The following ADARB1 variants were observed in gnomAD, a reference collection of about 807,000 sequenced individuals.
The protein encoded by ADARB1 is adenosine deaminase RNA specific B1.
A neutral mutation model predicts 52.4 loss-of-function variants in ADARB1; 10 were observed. The ratio of observed to expected loss-of-function variants is 0.19; its 90% CI spans 0.12 to 0.32. ADARB1 has a LOEUF of 0.32. ADARB1 is among the 10% of genes least tolerant of loss of function. The pLI is 1.00. For synonymous variants in ADARB1, 349 were observed against 371.1 expected (o/e 0.94, Z 0.68); for missense variants, 643 against 922.3 (o/e 0.70, Z 3.92).
chr21:45,220,963 C>G lies in ADARB1; in HGVS notation c.1875C>G (p.Ser625=). ...TTGKDELGRA[S]RLCKHALYCR... ...GGAAGGATGAGCTGGGCCGCGCGTC[C>G]CGCCTGTGTAAGCACGCGTTGTACT... Residue 625 remains serine, a synonymous_variant, in exon 10 of 11, where the codon TCC becomes TCG. Coordinates refer to ENST00000348831, the MANE Select transcript of ADARB1 (RefSeq NM_001112.4). This position sits in a 1 kb window ranked among gnomAD's most constrained non-coding sequence, Gnocchi z 6.3. 1.9e-6 allele frequency: 3 copies of G among 1,613,320 alleles called. No individual in the cohort carries two copies. The highest frequency in any genetic ancestry group is 2.5e-6 in the Non-Finnish European group (3 of 1,180,036).
At position 45,224,250 on chromosome 21, in the gene ADARB1, C is replaced by T. The variant is rs2093017124; in HGVS notation, c.*2053C>T. 3 of 985,388 alleles carry T rather than the reference C, an allele frequency of 3.0e-6. No homozygotes were observed. Among genetic ancestry groups the T allele is most frequent in the Admixed American group, 6.1e-5 (1 of 16,278 alleles). The allele number at this position is 985,388 out of a possible 1,614,324, so 61.0% of individuals were successfully genotyped here. A position where few individuals can be genotyped will look rare whatever the true frequency, so the allele number is the denominator to read the frequency against. ...TATATTCCATATACATACAAAACTACCCGGTATGTCTGGCTTTTCCCTTCT... is the reference window on the plus strand; with the variant it reads ...TATATTCCATATACATACAAAACTATCCGGTATGTCTGGCTTTTCCCTTCT... On this transcript the variant is annotated 3_prime_UTR_variant, in exon 11 of 11. Coordinates refer to ENST00000348831, the MANE Select transcript of ADARB1 (RefSeq NM_001112.4).
intron 1 of ADARB1, among the ~76,000 whole-genome samples, chr21:45,120,423 A>G (rs941881689): frequency 1.3e-5 from 2 of 152,202 alleles, no homozygotes; most frequent in African/African-American, 2.4e-5. Flanking sequence ...CCATTCGTGA[A>G]CTGTCGATTG....
intron 5 of ADARB1, among the ~76,000 whole-genome samples, chr21:45,181,126 C>T (rs559369493): frequency 6.6e-6 from 1 of 152,226 alleles, no homozygotes; most frequent in African/African-American, 2.4e-5. Flanking sequence ...CTGCTCAGCC[C>T]AGCCTGGACA....
At chr21:45,206,459 T>C (rs1256627733) in intron 9 of ADARB1, among the ~76,000 whole-genome samples, 3 of 152,114 alleles carry the variant, frequency 2.0e-5, no homozygotes, top group Non-Finnish European at 1.5e-5. Flanking sequence ...GAAAAGCATC[T>C]ATATCTGTTA....
intron 1 of ADARB1, among the ~76,000 whole-genome samples, chr21:45,081,375 C>G (rs915501742): frequency 4.0e-4 from 61 of 152,292 alleles, no homozygotes; most frequent in African/African-American, 1.4e-3. Flanking sequence ...TACAGTCATT[C>G]TGTTTTTCAC....
chr21:45,214,635 C>T lies in ADARB1; in HGVS notation c.1748-6201C>T, dbSNP rs138205071. Among the ~76,000 whole-genome samples, 10 of 152,234 alleles carry T rather than the reference C, an allele frequency of 6.6e-5. No homozygotes were observed. The East Asian group carries it at 1.9e-3, about 29-fold the overall frequency. On this transcript the variant is annotated intron_variant, in intron 9 of 10. Transcript: ENST00000348831. ...ATTTAGCACCATTTAGTGAAAGGTT[C>T]CTCATTTCTTCATGGAATTGCCTTG...
chr21:45,126,162 T>C (rs1375569293), intron 1 of ADARB1, among the ~76,000 whole-genome samples: 37 of 152,354 alleles, frequency 2.4e-4, no homozygotes. Context: ...GCTCATGGTA[T>C]TACGATCAGA....
intron 2 of ADARB1, among the ~76,000 whole-genome samples, chr21:45,162,484 G>A (rs1167423772): frequency 6.6e-6 from 1 of 152,178 alleles, no homozygotes; most frequent in East Asian, 1.9e-4. Context: ...GGCTGTGTGG[G>A]CAGAATGAGC....
At chr21:45,182,508 A>G in intron 5 of ADARB1, 77 bp from the exon 6 acceptor site, 1 of 1,477,778 alleles carries the variant, frequency 6.8e-7, no homozygotes, top group Non-Finnish European at 9.1e-7. Context: ...TGAGAATAAG[A>G]GTCAGACTTC....
chr21:45,143,411 A>G (rs914076191), intron 2 of ADARB1, among the ~76,000 whole-genome samples: 2 of 152,132 alleles, frequency 1.3e-5, no homozygotes, highest in Non-Finnish European at 2.9e-5. Flanking sequence ...AAGGTGGCCT[A>G]TCCTTTCTTT....
At position 45,220,460 on chromosome 21, in the gene ADARB1, G is replaced by A. The variant is rs890216123; in HGVS notation, c.1748-376G>A. On this transcript the variant is annotated intron_variant, in intron 9 of 10. Transcript: ENST00000348831. The surrounding 1 kb of genome is among the most constrained non-coding windows in gnomAD (Gnocchi z 6.3). ...GGACCCTGCATTAGTCTCAGAAGTG[G>A]CTCCCACCCATCCACTCTCAGGCTG... 3.9e-5 allele frequency among the ~76,000 whole-genome samples: 6 copies of A among 152,104 alleles called. No individual in the cohort carries two copies. Among genetic ancestry groups the A allele is most frequent in the African/African-American group, 1.4e-4 (6 of 41,418 alleles).
At position 45,172,155 on chromosome 21, in the gene ADARB1, T is replaced by G. The variant is rs1405636366; in HGVS notation, c.28+471T>G. The stretch of plus-strand genomic sequence containing the variant: ...TCACACGTGTCTGTTGATCTAAAGT[T>G]CGCAAAGGTGCTAATGAGAGCTGGG... On this transcript the variant is annotated intron_variant, in intron 3 of 10. Coordinates refer to ENST00000348831, the MANE Select transcript of ADARB1 (RefSeq NM_001112.4). The surrounding 1 kb of genome is among the most constrained non-coding windows in gnomAD (Gnocchi z 4.4). Among the ~76,000 whole-genome samples, 1 of 152,186 alleles carries G rather than the reference T, an allele frequency of 6.6e-6. No individual in the cohort carries two copies. The highest frequency in any genetic ancestry group is 2.4e-5 in the African/African-American group (1 of 41,446).
In ADARB1 at chr21:45,176,698, GT is replaced by G; in HGVS notation, c.963+35del. Reference sequence around the variant, plus strand: ...CTATGCTGCTGCTTTAAAACACGGGGTCATTGCTCTTGGTAATGCTTCTAGA... The same window carrying G: ...CTATGCTGCTGCTTTAAAACACGGGGCATTGCTCTTGGTAATGCTTCTAGA... On this transcript the variant is annotated intron_variant, in intron 4 of 10. Coordinates refer to ENST00000348831, the MANE Select transcript of ADARB1 (RefSeq NM_001112.4). This position sits in a 1 kb window ranked among gnomAD's most constrained non-coding sequence, Gnocchi z 5.8. 6.4e-7 allele frequency: 1 copy of G among 1,551,350 alleles called. No homozygotes were observed. Among genetic ancestry groups the G allele is most frequent in the Non-Finnish European group, 8.7e-7 (1 of 1,147,722 alleles).
At chr21:45,090,184 C>T (rs2086507793) in intron 1 of ADARB1, among the ~76,000 whole-genome samples, 1 of 152,158 alleles carries the variant, frequency 6.6e-6, no homozygotes. Context: ...ACGTGGTTTT[C>T]CCTCCAGTCT....
At chr21:45,093,046 C>T (rs562627806) in intron 1 of ADARB1, among the ~76,000 whole-genome samples, 157 of 152,224 alleles carry the variant, frequency 1.0e-3, no homozygotes, top group Non-Finnish European at 1.8e-3. Context: ...TGATGAGTCT[C>T]AGCTTATACC....
intron 2 of ADARB1, among the ~76,000 whole-genome samples, chr21:45,153,317 A>T (rs113887870): frequency 1.2e-3 from 179 of 148,142 alleles, no homozygotes; most frequent in African/African-American, 4.3e-3. Context: ...TTGGACCTAA[A>T]TTGCTGCTTT....
chr21:45,130,776 C>T (rs752076806), intron 2 of ADARB1, among the ~76,000 whole-genome samples: 4 of 152,148 alleles, frequency 2.6e-5, no homozygotes, highest in Non-Finnish European at 2.9e-5. Context: ...GGCAGACTCA[C>T]TGTTTTTGCC....
At chr21:45,103,474 C>T (rs987194634) in intron 1 of ADARB1, among the ~76,000 whole-genome samples, 2 of 151,606 alleles carry the variant, frequency 1.3e-5, no homozygotes, top group Non-Finnish European at 1.5e-5. Context: ...ATGGTCCCAT[C>T]GGGGGTAAGG....
chr21:45,216,649 T>G (rs2092868227), intron 9 of ADARB1, among the ~76,000 whole-genome samples: 1 of 152,112 alleles, frequency 6.6e-6, no homozygotes, highest in African/African-American at 2.4e-5. Context: ...TTATAAGTGT[T>G]CCACAAAACT....
Sources: allele counts gnomAD v4.1 joint callset (sites outside exome capture counted in the v4.1 genomes callset), GRCh38; gene constraint gnomAD v4.1.1; non-coding constraint Gnocchi (gnomAD v3.1); transcripts MANE v1.5; gene names NCBI Gene and HGNC (gene_info 2026-07-23, HGNC 2026-07-21).